OPLAH: variants seen among roughly 807,000 people sequenced by gnomAD.
OPLAH encodes the protein 5-oxoprolinase, ATP-hydrolysing.
OPLAH carries 103 observed loss-of-function variants against 122.8 expected under a neutral mutation model. The observed-to-expected ratio is 0.84, with a 90% CI of 0.71 to 0.99. The LOEUF is 0.99. Ranked by LOEUF, OPLAH falls within the 50% of genes least tolerant of loss-of-function variation. The pLI, the probability that OPLAH is intolerant of heterozygous loss-of-function variation, is 0.00. For synonymous variants in OPLAH, 875 were observed against 796.0 expected (o/e 1.10, Z -1.67); for missense variants, 1,902 against 1,836.5 (o/e 1.04, Z -0.65).
chr8:144,054,082 G>A (rs1322765677), intron 19 of OPLAH, among the ~76,000 whole-genome samples: 10 of 146,992 alleles, frequency 6.8e-5, no homozygotes, highest in African/African-American at 2.0e-4. Context: ...TCAAGACCCC[G>A]AATCCTCTCT....
upstream of OPLAH, among the ~76,000 whole-genome samples, chr8:144,063,135 C>T (rs1259098674): frequency 6.6e-6 from 1 of 152,146 alleles, no homozygotes; most frequent in African/African-American, 2.4e-5. The surrounding 1 kb of genome is among the most constrained non-coding windows in gnomAD (Gnocchi z 4.2). Context: ...GATGGCCCGG[C>T]CCCTACTCTC....
chr8:144,057,468 G>C lies in OPLAH; in HGVS notation c.1402C>G (p.Pro468Ala), dbSNP rs1835549755. ...VRVANEAMCR[P>A]IRALTQARGH... ...CGTACCTGCGTGAGTGCACGGATGGGCCGGCACATGGCCTCGTTGGCCACG... is the reference window on the plus strand; with the variant it reads ...CGTACCTGCGTGAGTGCACGGATGGCCCGGCACATGGCCTCGTTGGCCACG... Residue 468 changes from proline (P) to alanine (A), a missense_variant, in exon 10 of 27, where the codon CCC becomes GCC. By Grantham distance (27) the Pro-to-Ala change is conservative. Around this residue, in one of 3 missense-constraint regions of OPLAH, gnomAD observed 1,726 missense variants for 1,642.1 expected, o/e 1.05. Coordinates refer to ENST00000618853, the MANE Select transcript of OPLAH (RefSeq NM_017570.5). The C allele has an allele frequency of 6.3e-7, 1 of 1,589,702 alleles. No individual in the cohort carries two copies. The highest frequency in any genetic ancestry group is 8.6e-7 in the Non-Finnish European group (1 of 1,168,512).
chr8:144,055,120 C>T lies in OPLAH; in HGVS notation c.2318G>A (p.Cys773Tyr). 1 of 1,588,388 alleles carries T rather than the reference C, an allele frequency of 6.3e-7. No homozygotes were observed. Among genetic ancestry groups the T allele is most frequent in the Non-Finnish European group, 8.6e-7 (1 of 1,167,646 alleles). ...CCCCCCATCGGGCCCAAAGAGGGCA[C>T]AGGAGAAGTCCAGACGCTCCTTGAT... ...TNIKERLDFS[C>Y]ALFGPDGGLV... The change falls in exon 17 of 27, where the codon TGT becomes TAT. Residue 773 changes from cysteine (C) to tyrosine (Y), a missense_variant. Cys to Tyr is a radical substitution (Grantham distance 194). This residue lies in a region of OPLAH where 1,726 missense variants were observed against 1,642.1 expected (regional missense o/e 1.05). Transcript: ENST00000618853. The surrounding 1 kb of genome is among the most constrained non-coding windows in gnomAD (Gnocchi z 6.5).
At chr8:144,051,493 G>A in intron 26 of OPLAH, 21 bp from the exon 27 acceptor site, 9 of 1,381,774 alleles carry the variant, frequency 6.5e-6, no homozygotes, top group Non-Finnish European at 8.6e-6. Context: ...GGGGGGGGGC[G>A]GGGAGGCGGG....
chr8:144,053,039 C>CTTCCG lies in OPLAH; in HGVS notation c.2957_2961dup (p.Asp988ArgfsTer19). On this transcript the variant is annotated frameshift_variant, in exon 21 of 27. Transcript: ENST00000618853. LOFTEE classifies it high-confidence loss of function. Reference sequence around the variant, plus strand: ...ATGGGGGAACCGTCGTCCATGTGGTCTTCCGAGGACACCTCCAGGGGCAGG... The same window carrying CTTCCG: ...ATGGGGGAACCGTCGTCCATGTGGTCTTCCGTTCCGAGGACACCTCCAGGGGCAGG... 6.2e-7 allele frequency: 1 copy of CTTCCG among 1,603,214 alleles called. No individual in the cohort carries two copies. The highest frequency in any genetic ancestry group is 8.5e-7 in the Non-Finnish European group (1 of 1,176,078).
At chr8:144,050,721 G>A (rs145515424), downstream of OPLAH, 381 of 985,634 alleles carry the variant, frequency 3.9e-4, 5 homozygotes, top group African/African-American at 6.1e-3. Flanking sequence ...GGAGGGTATC[G>A]GAGCGGGAAG....
In OPLAH at chr8:144,058,329, G is replaced by A. The variant is rs782470360; in HGVS notation, c.859C>T (p.Leu287Phe). 3.1e-6 allele frequency: 5 copies of A among 1,600,630 alleles called. No individual in the cohort carries two copies. In the South Asian group the frequency reaches 4.4e-5, roughly 14 times the overall value. The change falls in exon 7 of 27, where the codon CTC becomes TTC. Residue 287 changes from leucine to phenylalanine, a missense_variant. This residue lies in a region of OPLAH where 1,726 missense variants were observed against 1,642.1 expected (regional missense o/e 1.05). Transcript: ENST00000618853. ...ACCACGCCGCCGGCCGGGCCCGAGA[G>A]CACAGCACTGGAGCCGCTGAAGGTG... ...MDTFSGSSAV[L>F]SGPAGGVVGY...
chr8:144,062,890 C>T (rs1835686417), upstream of OPLAH, among the ~76,000 whole-genome samples: 1 of 151,944 alleles, frequency 6.6e-6, no homozygotes, highest in Non-Finnish European at 1.5e-5. Flanking sequence ...GTCCACCTCC[C>T]CCACCTCCGC....
intron 22 of OPLAH, 28 bp downstream of exon 22, chr8:144,052,738 C>G (rs927422391): frequency 2.6e-6 from 4 of 1,557,992 alleles, no homozygotes; most frequent in Non-Finnish European, 3.5e-6. Context: ...GGGCTGGGGC[C>G]CCCCCTCGCG....
chr8:144,056,267 G>A lies in OPLAH; in HGVS notation c.1984-8C>T, dbSNP rs2129797255. ...AAAGTAGCACTGGGTCATCTGCAGA[G>A]GGTGCGGGTGAGTACAGCGCCCGGG... On this transcript the variant is annotated splice_region_variant and splice_polypyrimidine_tract_variant and intron_variant, in intron 14 of 26. Transcript: ENST00000618853. 4 of 1,608,092 alleles carry A rather than the reference G, an allele frequency of 2.5e-6. No homozygotes were observed. The highest frequency in any genetic ancestry group is 1.1e-5 in the South Asian group (1 of 90,988).
chr8:144,055,942 G>A lies in OPLAH; in HGVS notation c.2097-3C>T, dbSNP rs1554758902. The A allele has an allele frequency of 3.2e-6, 5 of 1,571,166 alleles. No individual in the cohort carries two copies. The highest frequency in any genetic ancestry group is 4.3e-6 in the Non-Finnish European group (5 of 1,157,074). ...AACCTGGCTCCACCAGGATGGTGCTGGGGAGCAGAGGGCACAGAGGGCTGC... is the reference window on the plus strand; with the variant it reads ...AACCTGGCTCCACCAGGATGGTGCTAGGGAGCAGAGGGCACAGAGGGCTGC... On this transcript the variant is annotated splice_region_variant and splice_polypyrimidine_tract_variant and intron_variant, in intron 15 of 26. Transcript: ENST00000618853. This position sits in a 1 kb window ranked among gnomAD's most constrained non-coding sequence, Gnocchi z 6.5.
downstream of OPLAH, chr8:144,050,839 TCCC>T: frequency 1.0e-6 from 1 of 991,480 alleles, no homozygotes; most frequent in Non-Finnish European, 1.2e-6. Context: ...CATGGCCTCC[TCCC>T]CCAAGATGCC....
chr8:144,059,002 C>T lies in OPLAH; in HGVS notation c.441G>A (p.Ala147=), dbSNP rs1216448197. The change falls in exon 4 of 27, where the codon GCG becomes GCA. Residue 147 remains alanine, a synonymous_variant. Coordinates refer to ENST00000618853, the MANE Select transcript of OPLAH (RefSeq NM_017570.5). Reference sequence around the variant, plus strand: ...CACCTTTCACAGGCGTCCCGGTGCCCGCCTCTCCACGGTGCAGCACCACGC... The same window carrying T: ...CACCTTTCACAGGCGTCCCGGTGCCTGCCTCTCCACGGTGCAGCACCACGC... ...DERVVLHRGE[A]GTGTPVKGRT... 5.1e-6 allele frequency: 8 copies of T among 1,576,306 alleles called. No individual in the cohort carries two copies. The highest frequency in any genetic ancestry group is 1.4e-5 in the African/African-American group (1 of 73,800).
chr8:144,054,615 C>G lies in OPLAH; in HGVS notation c.2632G>C (p.Gly878Arg), dbSNP rs889632342. 1 of 1,608,068 alleles carries G rather than the reference C, an allele frequency of 6.2e-7. No homozygotes were observed. Among genetic ancestry groups the G allele is most frequent in the African/African-American group, 1.3e-5 (1 of 74,856 alleles). ...PPHSTMLQQEGAVFLSFKLVQ... is the reference protein window; with the variant it reads ...PPHSTMLQQERAVFLSFKLVQ... ...AGTTTGAAGGACAGAAAGACGGCAC[C>G]CTCCTGTTGCAGCATGGTGGAGTGG... The change falls in exon 19 of 27, where the codon GGT (glycine) becomes CGT (arginine). Residue 878 changes from glycine (G) to arginine (R), a missense_variant. Physicochemically the swap from Gly to Arg is moderately radical, Grantham distance 125. Transcript: ENST00000618853.
chr8:144,054,925 A>T lies in OPLAH; in HGVS notation c.2410-12T>A, dbSNP rs782219172. The stretch of plus-strand genomic sequence containing the variant: ...CCCAGGTGCTGAATCTGAAACCAGG[A>T]GATGGGTGCAGAGTGGGCACAGGGG... On this transcript the variant is annotated splice_polypyrimidine_tract_variant and intron_variant, in intron 17 of 26. Coordinates refer to ENST00000618853, the MANE Select transcript of OPLAH (RefSeq NM_017570.5). The T allele has an allele frequency of 7.0e-7, 1 of 1,428,306 alleles. No individual in the cohort carries two copies. Among genetic ancestry groups the T allele is most frequent in the Admixed American group, 1.9e-5 (1 of 51,636 alleles). The allele number at this position is 1,428,306 out of a possible 1,614,324, so 88.5% of individuals were successfully genotyped here.
upstream of OPLAH, among the ~76,000 whole-genome samples, chr8:144,061,992 C>T (rs191127471): frequency 1.2e-4 from 18 of 149,846 alleles, no homozygotes; most frequent in African/African-American, 4.2e-4. Context: ...TGCACTCCAG[C>T]CTGGCGACAG....
intron 12 of OPLAH, 28 bp from the exon 13 acceptor site, chr8:144,056,783 A>T: frequency 6.3e-7 from 1 of 1,587,246 alleles, no homozygotes; most frequent in South Asian, 1.1e-5. Context: ...GGGCACTCAC[A>T]CCAAACCCCC....
In OPLAH at chr8:144,057,434, A is replaced by C. The variant is rs1415129023; in HGVS notation, c.1422+14T>G. The C allele has an allele frequency of 5.1e-6, 8 of 1,582,592 alleles. No homozygotes were observed. Among genetic ancestry groups the C allele is most frequent in the Non-Finnish European group, 6.9e-6 (8 of 1,164,560 alleles). On this transcript the variant is annotated intron_variant, in intron 10 of 26. Coordinates refer to ENST00000618853, the MANE Select transcript of OPLAH (RefSeq NM_017570.5). ...CTGGGGGCAGGACAGGCGGGAGAGC[A>C]GAGGTGGACGTACCTGCGTGAGTGC...
Position 144,051,418 on chromosome 8 carries a change from G to A in OPLAH, c.3775C>T (p.Pro1259Ser), listed in dbSNP as rs1554757612. 1.9e-6 allele frequency: 3 copies of A among 1,589,244 alleles called. No individual in the cohort carries two copies. Among genetic ancestry groups the A allele is most frequent in the East Asian group, 4.6e-5 (2 of 43,352 alleles). Residue 1259 changes from proline to serine, a missense_variant, in exon 27 of 27, where the codon CCC becomes TCC. Physicochemically the swap from Pro to Ser is moderately conservative, Grantham distance 74 (BLOSUM62 -1). This residue lies in a region of OPLAH where 1,726 missense variants were observed against 1,642.1 expected (regional missense o/e 1.05). Coordinates refer to ENST00000618853, the MANE Select transcript of OPLAH (RefSeq NM_017570.5). ...GGGGGCGACCCCGGCGGTGGGGCGG[G>A]GTCCTCCGGGTCCCCATAGCCACCG... ...GGGGYGDPED[P>S]APPPGSPPQA...
Sources: gnomAD v4.1 joint callset for allele counts (sites outside exome capture counted in the v4.1 genomes callset) on GRCh38, gnomAD v4.1.1 for gene constraint, gnomAD v4.1.1 regional missense constraint, Gnocchi (gnomAD v3.1) non-coding constraint, MANE v1.5 for transcripts, NCBI Gene and HGNC (gene_info 2026-07-23, HGNC 2026-07-21) for gene names.